Variants in LRMDA observed in about 807,000 individuals in gnomAD.
LRMDA encodes leucine rich melanocyte differentiation associated.
Under a neutral mutation model 29.8 loss-of-function variants are expected in LRMDA, and 18 were observed. The observed-to-expected ratio is 0.60, with a 90% CI of 0.42 to 0.90. The LOEUF (loss-of-function observed/expected upper bound fraction) is 0.90, where lower values mean the gene tolerates loss of function less well. Among genes scored for constraint, LRMDA ranks in the 40% least tolerant of loss-of-function variants. LRMDA has a pLI of 0.00. For missense variants in LRMDA, 273 were observed against 273.9 expected, an observed-to-expected ratio of 1.00 and a Z score of 0.02; for synonymous variants, 125 against 109.4, an observed-to-expected ratio of 1.14 and a Z score of -0.89.
intron 2 of LRMDA, among the ~76,000 whole-genome samples, chr10:75,772,681 A>G (rs986931460): frequency 3.9e-5 from 6 of 152,168 alleles, no homozygotes; most frequent in African/African-American, 1.4e-4. Flanking sequence ...CCCTATTAAA[A>G]TGTAAGTACC....
At chr10:75,449,529 C>CTT (rs5786173) in intron 2 of LRMDA, among the ~76,000 whole-genome samples, 2,246 of 146,012 alleles carry the variant, frequency 0.015, 34 homozygotes, top group African/African-American at 0.029. Context: ...AAGTTTCCTT[C>CTT]TTTTTTTTTT....
intron 2 of LRMDA, among the ~76,000 whole-genome samples, chr10:75,946,987 G>T (rs1846487248): frequency 6.6e-6 from 1 of 152,208 alleles, no homozygotes; most frequent in African/African-American, 2.4e-5. Context: ...CCTGTAGCTG[G>T]TTAGGGGCAG....
intron 2 of LRMDA, among the ~76,000 whole-genome samples, chr10:75,491,987 T>C (rs529754350): frequency 1.3e-5 from 2 of 152,302 alleles, no homozygotes; most frequent in South Asian, 4.1e-4. Context: ...AGGGCTATGG[T>C]CAAGTTTTAA....
At chr10:76,209,615 A>G (rs1851600287) in intron 5 of LRMDA, among the ~76,000 whole-genome samples, 2 of 152,198 alleles carry the variant, frequency 1.3e-5, no homozygotes, top group Non-Finnish European at 2.9e-5. Context: ...CTCCTTCAAT[A>G]TCAAGATAAG....
At chr10:75,451,891 G>A (rs1003248198) in intron 2 of LRMDA, among the ~76,000 whole-genome samples, 5 of 139,124 alleles carry the variant, frequency 3.6e-5, no homozygotes, top group Non-Finnish European at 8.0e-5. Flanking sequence ...AAAAAAAAAA[G>A]CATTTTTTTG....
intron 2 of LRMDA, among the ~76,000 whole-genome samples, chr10:75,989,715 C>T (rs1847326154): frequency 6.6e-6 from 1 of 152,230 alleles, no homozygotes; most frequent in African/African-American, 2.4e-5. Flanking sequence ...TATTATCCCA[C>T]TTTGCAGATG....
chr10:76,367,120 A>T (rs1841400128), intron 6 of LRMDA, among the ~76,000 whole-genome samples: 1 of 151,796 alleles, frequency 6.6e-6, no homozygotes. Context: ...ATCATAGTGG[A>T]TTTTCTTCTT....
At chr10:76,041,423 C>T (rs1168619834) in intron 3 of LRMDA, among the ~76,000 whole-genome samples, 1 of 152,162 alleles carries the variant, frequency 6.6e-6, no homozygotes, top group Non-Finnish European at 1.5e-5. Context: ...GACCGTTAAC[C>T]CGTTTCCTTA....
chr10:75,826,928 C>A (rs10740452), intron 2 of LRMDA, among the ~76,000 whole-genome samples: 56,068 of 151,926 alleles, frequency 0.37, 12,189 homozygotes, highest in South Asian at 0.5. Context: ...CTCTTGTGAG[C>A]GCTCTGTATA....
At chr10:75,616,611 G>A (rs76289735) in intron 2 of LRMDA, among the ~76,000 whole-genome samples, 3,925 of 152,248 alleles carry the variant, frequency 0.026, 86 homozygotes, top group Non-Finnish European at 0.04. Flanking sequence ...AACATGTTTT[G>A]TATTATCTTC....
chr10:76,026,569 T>G (rs1848067030), intron 2 of LRMDA, among the ~76,000 whole-genome samples: 1 of 152,212 alleles, frequency 6.6e-6, no homozygotes, highest in African/African-American at 2.4e-5. Context: ...TGCAAACATG[T>G]GCCTTTTTAT....
intron 2 of LRMDA, among the ~76,000 whole-genome samples, chr10:75,512,886 C>T (rs1845241819): frequency 6.6e-6 from 1 of 152,104 alleles, no homozygotes; most frequent in Non-Finnish European, 1.5e-5. Flanking sequence ...ATTTACCCTA[C>T]TTGTTAAACA....
chr10:75,731,811 G>A (rs1842702309), intron 2 of LRMDA, among the ~76,000 whole-genome samples: 1 of 152,186 alleles, frequency 6.6e-6, no homozygotes, highest in Non-Finnish European at 1.5e-5. Flanking sequence ...CTGAATAATT[G>A]TTTGTAGTCA....
chr10:75,960,370 A>G (rs1334101665), intron 2 of LRMDA, among the ~76,000 whole-genome samples: 1 of 148,992 alleles, frequency 6.7e-6, no homozygotes, highest in African/African-American at 2.4e-5. Context: ...CAACAACAAA[A>G]AACCCACAAA....
At chr10:75,812,627 G>A (rs2132272963) in intron 2 of LRMDA, among the ~76,000 whole-genome samples, 1 of 152,272 alleles carries the variant, frequency 6.6e-6, no homozygotes, top group Admixed American at 6.5e-5. Flanking sequence ...TAGTTAAATG[G>A]TGCAGTGGGA....
intron 6 of LRMDA, among the ~76,000 whole-genome samples, chr10:76,518,230 ATCTG>A (rs1001527699): frequency 6.6e-6 from 1 of 151,994 alleles, no homozygotes; most frequent in Admixed American, 6.6e-5. Flanking sequence ...CTATCTATAT[ATCTG>A]TCTATCTACC....
intron 2 of LRMDA, among the ~76,000 whole-genome samples, chr10:75,476,785 A>G (rs967476128): frequency 8.5e-5 from 13 of 152,192 alleles, no homozygotes; most frequent in Non-Finnish European, 1.8e-4. Context: ...AAAATACCAC[A>G]GACTTGGTGG....
At chr10:75,457,840 C>T (rs906266837) in intron 2 of LRMDA, among the ~76,000 whole-genome samples, 8 of 152,166 alleles carry the variant, frequency 5.3e-5, no homozygotes, top group African/African-American at 1.7e-4. Context: ...TGCAAATGCA[C>T]TTTAAATCAC....
chr10:75,513,608 G>C (rs892867630), intron 2 of LRMDA, among the ~76,000 whole-genome samples: 3 of 152,200 alleles, frequency 2.0e-5, no homozygotes, highest in Non-Finnish European at 4.4e-5. Flanking sequence ...CAAGGCATCA[G>C]CAGGGCCCTC....
Sources: allele counts gnomAD v4.1 joint callset (sites outside exome capture counted in the v4.1 genomes callset), GRCh38; gene constraint gnomAD v4.1.1; transcripts MANE v1.5; gene names NCBI Gene and HGNC (gene_info 2026-07-23, HGNC 2026-07-21).